Variants in AATF observed in about 807,000 individuals in gnomAD.
The protein encoded by AATF is protein AATF.
AATF carries 48 observed loss-of-function variants against 63.7 expected under a neutral mutation model. The observed-to-expected ratio is 0.75, with a 90% CI of 0.60 to 0.96. The LOEUF (loss-of-function observed/expected upper bound fraction) is 0.96, where lower values mean the gene tolerates loss of function less well. AATF is among the 40% of genes least tolerant of loss of function. The pLI is 0.00. For synonymous variants in AATF, 258 were observed against 247.7 expected (o/e 1.04, Z -0.39); for missense variants, 639 against 685.7 (o/e 0.93, Z 0.76).
At chr17:36,980,053 T>TA (rs1194118146) in intron 4 of AATF, 2 of 152,168 alleles carry the variant, frequency 1.3e-5, no homozygotes, top group African/African-American at 4.8e-5. Flanking sequence ...TTTACAGCAT[T>TA]AAAAAAATTC....
At position 37,056,700 on chromosome 17, in the gene AATF, C is replaced by T. The variant is rs756437470; in HGVS notation, c.*36C>T. The T allele has an allele frequency of 8.7e-6, 14 of 1,608,278 alleles. No homozygotes were observed. In the South Asian group the frequency reaches 1.4e-4, roughly 16 times the overall value. On this transcript the variant is annotated 3_prime_UTR_variant, in exon 12 of 12. Coordinates refer to ENST00000619387, the MANE Select transcript of AATF (RefSeq NM_012138.4). ...CTCCGACACCCAGTGGGCGCCTTGG[C>T]TGGTGCGGCTGCTGGTCCAGATGGA...
intron 11 of AATF, among the ~76,000 whole-genome samples, chr17:37,049,704 T>C (rs922896862): frequency 6.6e-6 from 1 of 152,078 alleles, no homozygotes; most frequent in Non-Finnish European, 1.5e-5. Context: ...TGGCCTACTT[T>C]GGTTTCTGGC....
chr17:37,053,288 T>C (rs2142332248), intron 11 of AATF, among the ~76,000 whole-genome samples: 1 of 151,996 alleles, frequency 6.6e-6, no homozygotes, highest in South Asian at 2.1e-4. Context: ...AATTAGGATA[T>C]ATTATATCAT....
chr17:36,991,616 C>T (rs1012925926), intron 8 of AATF, among the ~76,000 whole-genome samples: 5 of 143,032 alleles, frequency 3.5e-5, no homozygotes, highest in South Asian at 4.3e-4. Context: ...GATGGAGTCT[C>T]GCTCTGTCAC....
intron 4 of AATF, among the ~76,000 whole-genome samples, chr17:36,955,449 G>A (rs980304662): frequency 2.0e-5 from 3 of 151,976 alleles, no homozygotes; most frequent in East Asian, 1.9e-4. Context: ...TTATATCCCC[G>A]CCCCTGTCTT....
intron 10 of AATF, 52 bp downstream of exon 10, chr17:37,021,066 C>T (rs763868516): frequency 5.5e-6 from 7 of 1,267,890 alleles, no homozygotes; most frequent in Non-Finnish European, 7.6e-6. Flanking sequence ...TGTATCTCGT[C>T]TCTTACATTC....
chr17:36,985,154 C>T (rs531876975), intron 4 of AATF, among the ~76,000 whole-genome samples: 3 of 152,102 alleles, frequency 2.0e-5, no homozygotes, highest in East Asian at 1.9e-4. Context: ...CACCCGCCTC[C>T]GCCTCCCAAA....
At chr17:36,960,442 T>C (rs369463543) in intron 4 of AATF, among the ~76,000 whole-genome samples, 15 of 151,808 alleles carry the variant, frequency 9.9e-5, no homozygotes, top group Admixed American at 5.9e-4. Flanking sequence ...GTTTTACTTA[T>C]TTTTAAGTAG....
chr17:36,965,844 G>T (rs78997310), intron 4 of AATF, among the ~76,000 whole-genome samples: 5,632 of 151,892 alleles, frequency 0.037, 352 homozygotes, highest in African/African-American at 0.13. Context: ...TGGGCCTCAG[G>T]TGCGTGCCAC....
At chr17:36,993,736 C>T (rs1433104540) in intron 8 of AATF, among the ~76,000 whole-genome samples, 3 of 152,040 alleles carry the variant, frequency 2.0e-5, no homozygotes, top group Non-Finnish European at 2.9e-5. Context: ...TGAAGCCAGA[C>T]TCTTTGGGTT....
chr17:37,048,452 C>T (rs2071715173), intron 11 of AATF, among the ~76,000 whole-genome samples: 1 of 148,936 alleles, frequency 6.7e-6, no homozygotes, highest in Admixed American at 6.7e-5. Context: ...CTCACTGCAA[C>T]CTCCGCCTCC....
intron 11 of AATF, among the ~76,000 whole-genome samples, chr17:37,044,196 A>C (rs2071669082): frequency 6.6e-6 from 1 of 152,196 alleles, no homozygotes; most frequent in African/African-American, 2.4e-5. Flanking sequence ...TCACTTCTTT[A>C]ATATACTTTC....
chr17:36,983,014 T>A (rs1465872896), intron 4 of AATF, among the ~76,000 whole-genome samples: 1 of 152,146 alleles, frequency 6.6e-6, no homozygotes, highest in Non-Finnish European at 1.5e-5. Context: ...TGGGAAAATT[T>A]TTTTTAGTGT....
chr17:37,035,600 G>A (rs2071585893), intron 11 of AATF, among the ~76,000 whole-genome samples: 1 of 149,406 alleles, frequency 6.7e-6, no homozygotes, highest in African/African-American at 2.5e-5. Context: ...GTGCAGTGGT[G>A]CAATCTTGGC....
chr17:36,976,815 A>G (rs556277898), intron 4 of AATF, among the ~76,000 whole-genome samples: 1 of 152,316 alleles, frequency 6.6e-6, no homozygotes, highest in Admixed American at 6.5e-5. Context: ...AATTAAAACA[A>G]TCTTTTATTT....
chr17:36,997,480 G>C (rs2071262979), intron 8 of AATF, among the ~76,000 whole-genome samples: 1 of 152,096 alleles, frequency 6.6e-6, no homozygotes, highest in South Asian at 2.1e-4. Flanking sequence ...AACATACTCA[G>C]CATCGCTAAT....
At chr17:36,993,617 A>G (rs1242740134) in intron 8 of AATF, among the ~76,000 whole-genome samples, 2 of 152,152 alleles carry the variant, frequency 1.3e-5, no homozygotes, top group Non-Finnish European at 2.9e-5. Context: ...GTGGTTCAAT[A>G]TATTACAATG....
chr17:36,952,138 C>G (rs564921267), intron 2 of AATF, among the ~76,000 whole-genome samples: 1 of 152,256 alleles, frequency 6.6e-6, no homozygotes, highest in Non-Finnish European at 1.5e-5. Flanking sequence ...GCATCCTGCA[C>G]TCCAGTGCGT....
intron 8 of AATF, among the ~76,000 whole-genome samples, chr17:36,993,652 G>T (rs1216878506): frequency 2.0e-5 from 3 of 152,052 alleles, no homozygotes; most frequent in East Asian, 3.9e-4. Context: ...CATTTGTGTG[G>T]TTTTTTTTAA....
Sources: gnomAD v4.1 joint callset for allele counts (sites outside exome capture counted in the v4.1 genomes callset) on GRCh38, gnomAD v4.1.1 for gene constraint, MANE v1.5 for transcripts, NCBI Gene and HGNC (gene_info 2026-07-23, HGNC 2026-07-21) for gene names.